Variants in KLHL1 observed in about 807,000 individuals in gnomAD.
KLHL1 encodes the protein kelch like family member 1, also known as kelch-like protein 1.
KLHL1 carries 47 observed loss-of-function variants against 77.7 expected under a neutral mutation model. That is an observed-to-expected ratio of 0.60 (90% CI 0.48 to 0.77). The LOEUF (loss-of-function observed/expected upper bound fraction) is 0.77, where lower values mean the gene tolerates loss of function less well. Ranked by LOEUF, KLHL1 falls within the 30% of genes least tolerant of loss-of-function variation. The pLI is 0.00. For missense variants in KLHL1, 925 were observed against 910.8 expected, an observed-to-expected ratio of 1.02 and a Z score of -0.20; for synonymous variants, 360 against 325.2, an observed-to-expected ratio of 1.11 and a Z score of -1.15.
At chr13:70,029,859 CAT>C (rs1479946065) in intron 1 of KLHL1, among the ~76,000 whole-genome samples, 1 of 152,136 alleles carries the variant, frequency 6.6e-6, no homozygotes, top group African/African-American at 2.4e-5. Flanking sequence ...AGACCCATCT[CAT>C]GTGCAGAGAC....
At chr13:69,905,238 C>T (rs1453875741) in intron 4 of KLHL1, among the ~76,000 whole-genome samples, 1 of 152,062 alleles carries the variant, frequency 6.6e-6, no homozygotes. Context: ...GTGAAGACCA[C>T]TTGCTTGTAT....
At chr13:69,989,223 T>C (rs556363578) in intron 1 of KLHL1, among the ~76,000 whole-genome samples, 20 of 152,214 alleles carry the variant, frequency 1.3e-4, no homozygotes, top group Admixed American at 2.0e-4. Context: ...GGTAATCCTT[T>C]CCCCATTGCT....
At chr13:69,963,987 A>C (rs950921418) in intron 2 of KLHL1, among the ~76,000 whole-genome samples, 1 of 152,070 alleles carries the variant, frequency 6.6e-6, no homozygotes, top group Non-Finnish European at 1.5e-5. Flanking sequence ...ATTTTTTTTG[A>C]ACTTGAAATA....
chr13:69,789,049 ATCTATCTATC>A (rs966568263), intron 7 of KLHL1, among the ~76,000 whole-genome samples: 2 of 151,726 alleles, frequency 1.3e-5, no homozygotes, highest in Non-Finnish European at 2.9e-5. Context: ...CTATCTATCT[ATCTATCTATC>A]TATCTACTTA....
intron 1 of KLHL1, among the ~76,000 whole-genome samples, chr13:70,067,005 G>A (rs944249535): frequency 2.6e-5 from 4 of 152,106 alleles, no homozygotes; most frequent in African/African-American, 9.7e-5. Flanking sequence ...CAAGCACTTT[G>A]TAAGCTCTAG....
At chr13:70,036,431 A>G (rs949724544) in intron 1 of KLHL1, among the ~76,000 whole-genome samples, 6 of 151,964 alleles carry the variant, frequency 3.9e-5, no homozygotes, top group African/African-American at 1.4e-4. Context: ...TTTTGTCCCA[A>G]ATATAATAAC....
At chr13:69,825,345 C>A (rs1878503896) in intron 6 of KLHL1, among the ~76,000 whole-genome samples, 1 of 151,964 alleles carries the variant, frequency 6.6e-6, no homozygotes, top group Non-Finnish European at 1.5e-5. Flanking sequence ...AGCTTCGGAT[C>A]TGGGGTGGTG....
At chr13:69,874,967 G>GT (rs922783154) in intron 5 of KLHL1, among the ~76,000 whole-genome samples, 7 of 152,180 alleles carry the variant, frequency 4.6e-5, no homozygotes, top group South Asian at 4.1e-4. Context: ...CAGGTAAATT[G>GT]TTTTTTGTAA....
Position 69,864,990 on chromosome 13 carries a change from A to G in KLHL1, c.1227+17293T>C, listed in dbSNP as rs144881134. On this transcript the variant is annotated intron_variant, in intron 5 of 10. Coordinates refer to ENST00000377844, the MANE Select transcript of KLHL1 (RefSeq NM_020866.3). ...GATAAAGGACCTTGCTCTGCTGTCC[A>G]GGCAGGAGTGCAGTGGTGTGATCAC... is the stretch of plus-strand genomic sequence containing the variant. Among the ~76,000 whole-genome samples the G allele has an allele frequency of 1.6e-3, 250 of 152,284 alleles. 1 individual carries two copies. Among genetic ancestry groups the G allele is most frequent in the African/African-American group, 5.6e-3 (231 of 41,572 alleles).
At chr13:69,903,611 G>GA (rs1174087155) in intron 4 of KLHL1, among the ~76,000 whole-genome samples, 1 of 113,012 alleles carries the variant, frequency 8.8e-6, no homozygotes, top group African/African-American at 3.3e-5. Context: ...TTCCTTTGCA[G>GA]AAAACCCTTG....
chr13:69,897,735 T>A (rs1238809473), intron 4 of KLHL1, among the ~76,000 whole-genome samples: 2 of 152,142 alleles, frequency 1.3e-5, no homozygotes, highest in African/African-American at 2.4e-5. Context: ...GACCCACCCA[T>A]GGTGAGTCTA....
At chr13:69,797,613 G>A (rs559127295) in intron 6 of KLHL1, among the ~76,000 whole-genome samples, 3 of 150,530 alleles carry the variant, frequency 2.0e-5, no homozygotes, top group East Asian at 2.0e-4. Flanking sequence ...TCAGGAGATC[G>A]AGACCATCCT....
At chr13:70,055,615 A>G (rs1886726067) in intron 1 of KLHL1, among the ~76,000 whole-genome samples, 1 of 152,144 alleles carries the variant, frequency 6.6e-6, no homozygotes, top group East Asian at 1.9e-4. Context: ...ACTTCTTAAG[A>G]CATAGGTAGA....
rs776026056 is a variant in KLHL1, at chr13:69,796,775, A to T, written c.1602T>A (p.Thr534=). The T allele has an allele frequency of 6.2e-7, 1 of 1,614,098 alleles. No homozygotes were observed. Among genetic ancestry groups the T allele is most frequent in the Middle Eastern group, 1.6e-4 (1 of 6,062 alleles). The change falls in exon 7 of 11, where the codon ACT becomes ACA. Residue 534 remains threonine (T), a synonymous_variant. Transcript: ENST00000377844. Reference sequence around the variant, plus strand: ...TGTGTGTTGACATTGGTGGTAAGACAGTCCATGTCTTGGTTTTGGGATTGT... The same window carrying T: ...TGTGTGTTGACATTGGTGGTAAGACTGTCCATGTCTTGGTTTTGGGATTGT... ...ECYNPKTKTW[T]VLPPMSTHRH... is the part of the protein sequence containing the mutation.
intron 5 of KLHL1, among the ~76,000 whole-genome samples, chr13:69,864,193 G>T (rs1233810109): frequency 6.6e-6 from 1 of 151,774 alleles, no homozygotes; most frequent in Admixed American, 6.6e-5. Context: ...GGTAAAAACT[G>T]GCATGGTCAT....
chr13:69,884,426 CAAAA>C (rs60883710), intron 4 of KLHL1, among the ~76,000 whole-genome samples: 16 of 64,918 alleles, frequency 2.5e-4, no homozygotes, highest in Admixed American at 5.5e-4. Context: ...TCAGATTTTT[CAAAA>C]AAAAAAAAAA....
At chr13:70,099,641 T>C (rs1346029164) in intron 1 of KLHL1, among the ~76,000 whole-genome samples, 1 of 152,030 alleles carries the variant, frequency 6.6e-6, no homozygotes, top group African/African-American at 2.4e-5. Flanking sequence ...TAGATAAGTT[T>C]ATGTGATTTA....
intron 7 of KLHL1, among the ~76,000 whole-genome samples, chr13:69,753,908 T>G (rs985108114): frequency 1.2e-4 from 19 of 152,080 alleles, no homozygotes; most frequent in African/African-American, 4.1e-4. Context: ...GCAATCACAG[T>G]TCACTGCATC....
At chr13:70,003,761 C>A (rs920744374) in intron 1 of KLHL1, among the ~76,000 whole-genome samples, 7 of 151,562 alleles carry the variant, frequency 4.6e-5, no homozygotes, top group Non-Finnish European at 1.0e-4. Flanking sequence ...CTGTTTTAAG[C>A]ATTTAACCAT....
Sources: gnomAD v4.1 joint callset for allele counts (sites outside exome capture counted in the v4.1 genomes callset) on GRCh38, gnomAD v4.1.1 for gene constraint, MANE v1.5 for transcripts, NCBI Gene and HGNC (gene_info 2026-07-23, HGNC 2026-07-21) for gene names.